Variants in CMTM4 observed in about 807,000 individuals in gnomAD.
CMTM4 encodes CKLF-like MARVEL transmembrane domain-containing protein 4.
CMTM4 carries 8 observed loss-of-function variants against 19.0 expected under a neutral mutation model. That is an observed-to-expected ratio of 0.42 (90% confidence interval 0.25 to 0.76). CMTM4 has a LOEUF of 0.76. CMTM4 is among the 30% of genes least tolerant of loss of function. CMTM4 has a pLI of 0.27. For synonymous variants in CMTM4, 106 were observed against 121.1 expected (o/e 0.88, Z 0.82); for missense variants, 228 against 290.2 (o/e 0.79, Z 1.56).
At chr16:66,660,062 C>A in intron 1 of CMTM4, among the ~76,000 whole-genome samples, 1 of 152,130 alleles carries the variant, frequency 6.6e-6, no homozygotes. Flanking sequence ...TGAAAAGATC[C>A]TTAACATCAC....
intron 1 of CMTM4, among the ~76,000 whole-genome samples, chr16:66,680,793 A>C (rs891324250): frequency 5.3e-5 from 8 of 150,386 alleles, no homozygotes; most frequent in Admixed American, 2.0e-4. Context: ...AAAAAAAAAA[A>C]AAAAAAACCA....
At chr16:66,680,931 G>A (rs1311957302) in intron 1 of CMTM4, among the ~76,000 whole-genome samples, 1 of 152,056 alleles carries the variant, frequency 6.6e-6, no homozygotes, top group Non-Finnish European at 1.5e-5. Flanking sequence ...ACCAGGTCCT[G>A]CTGCAATAAT....
At position 66,622,299 on chromosome 16, in the gene CMTM4, A is replaced by G. The variant is rs2015655130; in HGVS notation, c.463-77T>C. The G allele has an allele frequency of 6.6e-7, 1 of 1,505,044 alleles. No homozygotes were observed. Among genetic ancestry groups the G allele is most frequent in the Admixed American group, 1.9e-5 (1 of 53,194 alleles). 93.2% of individuals were successfully genotyped at this position (1,505,044 alleles called of 1,614,324 possible). ...AGGCTTCTGTGGTGACCCAAGCCACATGCAGCCCCTTCCTGCTCTGCCAGC... is the reference window on the plus strand; with the variant it reads ...AGGCTTCTGTGGTGACCCAAGCCACGTGCAGCCCCTTCCTGCTCTGCCAGC... On this transcript the variant is annotated intron_variant, in intron 3 of 3. Transcript: ENST00000394106. This position sits in a 1 kb window ranked among gnomAD's most constrained non-coding sequence, Gnocchi z 4.0.
intron 1 of CMTM4, among the ~76,000 whole-genome samples, chr16:66,692,840 GA>G (rs1294621697): frequency 6.6e-6 from 1 of 151,614 alleles, no homozygotes; most frequent in African/African-American, 2.4e-5. Flanking sequence ...CTGGGAGGTG[GA>G]GGCTGCAGTG....
In CMTM4 at chr16:66,622,291, C is replaced by T. The variant is rs1596901332; in HGVS notation, c.463-69G>A. 7 of 1,542,606 alleles carry T rather than the reference C, an allele frequency of 4.5e-6. No homozygotes were observed. The Admixed American group carries it at 1.1e-4, about 24-fold the overall frequency. ...GCCCCTCAAGGCTTCTGTGGTGACC[C>T]AAGCCACATGCAGCCCCTTCCTGCT... On this transcript the variant is annotated intron_variant, in intron 3 of 3. Coordinates refer to ENST00000394106, the MANE Select transcript of CMTM4 (RefSeq NM_181521.3). This position sits in a 1 kb window ranked among gnomAD's most constrained non-coding sequence, Gnocchi z 4.0.
At chr16:66,647,956 A>G (rs1027641070) in intron 1 of CMTM4, among the ~76,000 whole-genome samples, 3 of 152,328 alleles carry the variant, frequency 2.0e-5, no homozygotes, top group Admixed American at 2.0e-4. Flanking sequence ...CTTTGTCTGT[A>G]TTCACTTGAA....
At position 66,620,851 on chromosome 16, in the gene CMTM4, A is replaced by C; in HGVS notation, c.*1207T>G. 1.0e-6 allele frequency: 1 copy of C among 985,724 alleles called. No homozygotes were observed. The highest frequency in any genetic ancestry group is 1.1e-4 in the East Asian group (1 of 8,820). The allele number at this position is 985,724 out of a possible 1,614,324, so 61.1% of individuals were successfully genotyped here. On this transcript the variant is annotated 3_prime_UTR_variant, in exon 4 of 4. Coordinates refer to ENST00000394106, the MANE Select transcript of CMTM4 (RefSeq NM_181521.3). ...TCTAATTTTTTAAAAAAACTACTGC[A>C]TCATGGGGACTCACTGAACTCATTC...
In CMTM4 at chr16:66,619,157, G is replaced by A; in HGVS notation, c.*2901C>T. 1 of 985,422 alleles carries A rather than the reference G, an allele frequency of 1.0e-6. No individual in the cohort carries two copies. Among genetic ancestry groups the A allele is most frequent in the Non-Finnish European group, 1.2e-6 (1 of 829,940 alleles). 61.0% of individuals were successfully genotyped at this position (985,422 alleles called of 1,614,324 possible). ...TTTCATGACTGTAATCCCTCTTTAA[G>A]GCAGGGAAAACATATTTCCCTCCCA... On this transcript the variant is annotated 3_prime_UTR_variant, in exon 4 of 4. Coordinates refer to ENST00000394106, the MANE Select transcript of CMTM4 (RefSeq NM_181521.3).
intron 1 of CMTM4, among the ~76,000 whole-genome samples, chr16:66,695,786 T>C (rs1351555891): frequency 6.6e-6 from 1 of 152,154 alleles, no homozygotes; most frequent in African/African-American, 2.4e-5. Flanking sequence ...CTCTGCAGTG[T>C]AGAGAATTGT....
intron 1 of CMTM4, among the ~76,000 whole-genome samples, chr16:66,682,179 T>C (rs1466985654): frequency 6.6e-6 from 1 of 152,200 alleles, no homozygotes; most frequent in African/African-American, 2.4e-5. Flanking sequence ...GTATATAAAG[T>C]ATGGATTTTT....
At chr16:66,629,934 G>T (rs2015816305) in intron 2 of CMTM4, among the ~76,000 whole-genome samples, 1 of 152,194 alleles carries the variant, frequency 6.6e-6, no homozygotes, top group East Asian at 1.9e-4. Context: ...TCTCTCCCAT[G>T]TGGCTGTTCC....
the CMTM4 span, chr16:66,608,418 C>G: frequency 6.2e-7 from 1 of 1,614,210 alleles, no homozygotes; most frequent in Non-Finnish European, 8.5e-7. The surrounding 1 kb of genome is among the most constrained non-coding windows in gnomAD (Gnocchi z 5.1). Flanking sequence ...TTTGCTGATG[C>G]CATGCAGCTG....
intron 1 of CMTM4, among the ~76,000 whole-genome samples, chr16:66,665,071 G>A (rs1006824390): frequency 6.6e-6 from 1 of 151,882 alleles, no homozygotes; most frequent in Non-Finnish European, 1.5e-5. Flanking sequence ...AGCCTCCCTA[G>A]CAGCTAGAAT....
downstream of CMTM4, chr16:66,614,721 G>A (rs1409655584): frequency 6.6e-6 from 1 of 152,220 alleles, no homozygotes; most frequent in Non-Finnish European, 1.5e-5. The surrounding 1 kb of genome is among the most constrained non-coding windows in gnomAD (Gnocchi z 4.9). Context: ...GGCAGAGGAG[G>A]CCACTCAGAG....
chr16:66,693,448 T>C (rs913998081), intron 1 of CMTM4, among the ~76,000 whole-genome samples: 1 of 152,222 alleles, frequency 6.6e-6, no homozygotes, highest in Non-Finnish European at 1.5e-5. Context: ...TCTTGATGGA[T>C]TCTGAGTTTT....
At chr16:66,683,209 A>ATT (rs1262037493) in intron 1 of CMTM4, among the ~76,000 whole-genome samples, 1 of 138,206 alleles carries the variant, frequency 7.2e-6, no homozygotes, top group Admixed American at 7.6e-5. Flanking sequence ...ATATATATAT[A>ATT]TAAATTTTCC....
downstream of CMTM4, chr16:66,613,453 G>C: frequency 6.3e-6 from 2 of 316,850 alleles, no homozygotes; most frequent in South Asian, 1.2e-4. Flanking sequence ...TGGACCCTCA[G>C]GACAGTGAAC....
At chr16:66,604,556 G>A in the CMTM4 span, 1 of 313,708 alleles carries the variant, frequency 3.2e-6, no homozygotes. Context: ...GAAGAAGAAG[G>A]TGGAGTCTGC....
rs911922860 is a variant in CMTM4 at position 66,621,139 on chromosome 16, T to C, written c.*919A>G. On this transcript the variant is annotated 3_prime_UTR_variant, in exon 4 of 4. Transcript: ENST00000394106. ...AGAAAATTAGCACACATCCCTAAAA[T>C]AGAGGGGTGTGTGTGTGCATGTGTG... 3.0e-6 allele frequency: 3 copies of C among 985,806 alleles called. No homozygotes were observed. Among genetic ancestry groups the C allele is most frequent in the Middle Eastern group, 5.2e-4 (1 of 1,914 alleles). 61.1% of individuals were successfully genotyped at this position (985,806 alleles called of 1,614,324 possible). A position where few individuals can be genotyped will look rare whatever the true frequency, so the allele number is the denominator to read the frequency against.
Sources: allele counts gnomAD v4.1 joint callset (sites outside exome capture counted in the v4.1 genomes callset), GRCh38; gene constraint gnomAD v4.1.1; non-coding constraint Gnocchi (gnomAD v3.1); transcripts MANE v1.5; gene names NCBI Gene and HGNC (gene_info 2026-07-23, HGNC 2026-07-21).